PKNOX2: variants seen among roughly 807,000 people sequenced by gnomAD.
PKNOX2 encodes the protein homeobox protein PKNOX2.
PKNOX2 carries 14 observed loss-of-function variants against 53.1 expected under a neutral mutation model. The ratio of observed to expected loss-of-function variants is 0.26; its 90% confidence interval spans 0.17 to 0.41. PKNOX2 has a LOEUF of 0.41. Ranked by LOEUF, PKNOX2 falls within the 10% of genes least tolerant of loss-of-function variation. The pLI is 1.00. For synonymous variants in PKNOX2, 257 were observed against 242.8 expected, an observed-to-expected ratio of 1.06 and a Z score of -0.54; for missense variants, 496 against 602.8, an observed-to-expected ratio of 0.82 and a Z score of 1.85.
At chr11:125,243,806 T>C (rs916087126) in intron 2 of PKNOX2, among the ~76,000 whole-genome samples, 8 of 152,120 alleles carry the variant, frequency 5.3e-5, no homozygotes, top group African/African-American at 1.9e-4. Flanking sequence ...GTATTTTTAG[T>C]AGAGACGGGG....
intron 1 of PKNOX2, among the ~76,000 whole-genome samples, chr11:125,207,396 T>C (rs187989625): frequency 6.6e-6 from 1 of 152,080 alleles, no homozygotes; most frequent in Admixed American, 6.5e-5. Context: ...CGTTAGCCCA[T>C]GACGGGTGTA....
intron 1 of PKNOX2, among the ~76,000 whole-genome samples, chr11:125,201,230 T>C (rs1363290255): frequency 6.6e-6 from 1 of 152,110 alleles, no homozygotes; most frequent in African/African-American, 2.4e-5. Flanking sequence ...CCTTTCCACT[T>C]TCCAGTGGGG....
chr11:125,235,856 TG>T lies in PKNOX2; in HGVS notation c.-130+747del, dbSNP rs201871125. ...CCTCTCCAGCAAGGCTGTGAGCTCC[TG>T]GGGGGTAAAGTCTGGGATTCCTACT... On this transcript the variant is annotated intron_variant, in intron 2 of 12. Transcript: ENST00000298282. Among the ~76,000 whole-genome samples the T allele has an allele frequency of 3.0e-4, 45 of 152,270 alleles. No homozygotes were observed. The East Asian group carries it at 7.9e-3, about 27-fold the overall frequency.
intron 2 of PKNOX2, among the ~76,000 whole-genome samples, chr11:125,238,539 C>T (rs1284664798): frequency 1.3e-5 from 2 of 152,190 alleles, no homozygotes; most frequent in Non-Finnish European, 2.9e-5. Flanking sequence ...TTGAGACTTA[C>T]ACTATTTTCT....
chr11:125,411,514 CCCTT>C, intron 9 of PKNOX2: 2 of 495,022 alleles, frequency 4.0e-6, no homozygotes, highest in Non-Finnish European at 7.5e-6. Flanking sequence ...CTCTCTCCCC[CCCTT>C]CCCCATCTCT....
At chr11:125,309,113 G>T (rs1053386089) in intron 2 of PKNOX2, among the ~76,000 whole-genome samples, 1 of 145,448 alleles carries the variant, frequency 6.9e-6, no homozygotes, top group Admixed American at 6.7e-5. Flanking sequence ...TTCAGCCTGA[G>T]ATCACAATTA....
At chr11:125,308,131 C>G (rs1005361976) in intron 2 of PKNOX2, among the ~76,000 whole-genome samples, 1 of 152,202 alleles carries the variant, frequency 6.6e-6, no homozygotes, top group African/African-American at 2.4e-5. Flanking sequence ...CGTATGGTCC[C>G]GGGAGACCCC....
chr11:125,318,938 A>T (rs1374682321), intron 2 of PKNOX2, among the ~76,000 whole-genome samples: 1 of 151,952 alleles, frequency 6.6e-6, no homozygotes. Context: ...TTCACCTTCC[A>T]CCATGATTTT....
chr11:125,214,287 ACCATTCCCAG>A (rs1565471029), intron 1 of PKNOX2, among the ~76,000 whole-genome samples: 1 of 151,714 alleles, frequency 6.6e-6, no homozygotes, highest in East Asian at 1.9e-4. Context: ...CTGAAATTCT[ACCATTCCCAG>A]TTTGTTCCTC....
At chr11:125,301,865 A>T (rs372587315) in intron 2 of PKNOX2, among the ~76,000 whole-genome samples, 1 of 152,212 alleles carries the variant, frequency 6.6e-6, no homozygotes, top group Non-Finnish European at 1.5e-5. Context: ...AATTTAAGCC[A>T]GGGAAAGCGT....
intron 1 of PKNOX2, among the ~76,000 whole-genome samples, chr11:125,225,286 C>A (rs761264069): frequency 1.2e-4 from 18 of 152,142 alleles, no homozygotes; most frequent in Non-Finnish European, 2.2e-4. Context: ...ACTGTGGGCT[C>A]CTTGAGGGCA....
chr11:125,376,029 G>A (rs560553590), intron 5 of PKNOX2, among the ~76,000 whole-genome samples: 6 of 152,212 alleles, frequency 3.9e-5, no homozygotes, highest in South Asian at 2.1e-4. Context: ...TTTTGCCCTC[G>A]CAGAGCAGTT....
intron 4 of PKNOX2, among the ~76,000 whole-genome samples, chr11:125,363,183 G>T (rs192541452): frequency 2.0e-5 from 3 of 152,248 alleles, no homozygotes; most frequent in African/African-American, 7.2e-5. Context: ...GCCTCTCAAA[G>T]CACTGGGATT....
At chr11:125,343,061 G>C (rs909686282) in intron 3 of PKNOX2, among the ~76,000 whole-genome samples, 4 of 152,012 alleles carry the variant, frequency 2.6e-5, no homozygotes, top group Non-Finnish European at 4.4e-5. Context: ...CTGGGGGAGG[G>C]AGTTGGCTCA....
At chr11:125,272,757 C>T (rs1007078340) in intron 2 of PKNOX2, among the ~76,000 whole-genome samples, 5 of 152,206 alleles carry the variant, frequency 3.3e-5, no homozygotes, top group Non-Finnish European at 7.3e-5. Flanking sequence ...CCACGGACTC[C>T]CAGTGCCTCA....
At chr11:125,377,001 G>T (rs1208739525) in intron 5 of PKNOX2, among the ~76,000 whole-genome samples, 1 of 152,210 alleles carries the variant, frequency 6.6e-6, no homozygotes, top group African/African-American at 2.4e-5. Context: ...TGGCATGTGG[G>T]TTTGTTTTCC....
At chr11:125,367,105 T>G (rs1054390144) in intron 4 of PKNOX2, among the ~76,000 whole-genome samples, 1 of 152,238 alleles carries the variant, frequency 6.6e-6, no homozygotes, top group South Asian at 2.1e-4. Context: ...ATAGTGATGG[T>G]TTAAAAAAAA....
intron 2 of PKNOX2, among the ~76,000 whole-genome samples, chr11:125,307,746 C>A (rs902676279): frequency 7.2e-5 from 11 of 152,182 alleles, no homozygotes; most frequent in Admixed American, 6.5e-5. Flanking sequence ...TCTGGGCCAC[C>A]AGTTTAATGC....
intron 7 of PKNOX2, among the ~76,000 whole-genome samples, chr11:125,398,296 T>C (rs1054226758): frequency 6.6e-5 from 10 of 152,268 alleles, no homozygotes; most frequent in African/African-American, 2.4e-4. Context: ...AATGACCAGA[T>C]CGGAGAGGGA....
Sources: gnomAD v4.1 joint callset for allele counts (sites outside exome capture counted in the v4.1 genomes callset) on GRCh38, gnomAD v4.1.1 for gene constraint, MANE v1.5 for transcripts, NCBI Gene and HGNC (gene_info 2026-07-23, HGNC 2026-07-21) for gene names.